Variants in PMFBP1 observed in about 807,000 individuals in gnomAD.
PMFBP1 encodes the protein polyamine-modulated factor 1-binding protein 1.
In PMFBP1, 131 loss-of-function variants were observed where a neutral mutation model predicts 137.8. The observed-to-expected ratio is 0.95, with a 90% CI of 0.82 to 1.10. The LOEUF (loss-of-function observed/expected upper bound fraction) is 1.10, where lower values mean the gene tolerates loss of function less well. Ranked by LOEUF, PMFBP1 falls within the 50% of genes least tolerant of loss-of-function variation. The pLI is 0.00. For missense variants in PMFBP1, 1,199 were observed against 1,175.4 expected, an observed-to-expected ratio of 1.02 and a Z score of -0.29; for synonymous variants, 490 against 450.4, an observed-to-expected ratio of 1.09 and a Z score of -1.11.
the PMFBP1 span, among the ~76,000 whole-genome samples, chr16:72,201,333 T>C: frequency 2.0e-5 from 3 of 152,228 alleles, no homozygotes; most frequent in Non-Finnish European, 2.9e-5. Flanking sequence ...TAAATTTCAA[T>C]TGGAGTTTGA....
intron 5 of PMFBP1, among the ~76,000 whole-genome samples, chr16:72,150,147 G>A (rs932828945): frequency 3.3e-5 from 5 of 152,152 alleles, no homozygotes; most frequent in African/African-American, 4.8e-5. Context: ...GTTGTGGTTT[G>A]CATGAGTCCT....
At chr16:72,150,881 G>A (rs746100407) in intron 4 of PMFBP1, 52 bp from the exon 5 acceptor site, 1 of 1,489,794 alleles carries the variant, frequency 6.7e-7, no homozygotes, top group Admixed American at 1.7e-5. Context: ...ACGTAATGAG[G>A]AAAGGATGCG....
the PMFBP1 span, among the ~76,000 whole-genome samples, chr16:72,190,941 T>C: frequency 6.6e-6 from 1 of 152,212 alleles, no homozygotes; most frequent in Non-Finnish European, 1.5e-5. Context: ...CGTGTGTTTG[T>C]TGAATGAATG....
At chr16:72,154,498 C>A (rs369761579) in intron 3 of PMFBP1, 39 bp from the exon 4 acceptor site, 11 of 1,601,718 alleles carry the variant, frequency 6.9e-6, no homozygotes, top group African/African-American at 2.7e-5. Context: ...GGCTTTAGAT[C>A]ATCACTAAGG....
At chr16:72,123,179 C>A (rs1597458101) in intron 18 of PMFBP1, among the ~76,000 whole-genome samples, 191 bp from the exon 19 acceptor site, 2 of 152,158 alleles carry the variant, frequency 1.3e-5, no homozygotes, top group East Asian at 3.9e-4. Flanking sequence ...CTGAACTCAA[C>A]TCCTATGCAA....
At chr16:72,135,072 G>C (rs1025284804) in intron 9 of PMFBP1, among the ~76,000 whole-genome samples, 1 of 152,132 alleles carries the variant, frequency 6.6e-6, no homozygotes, top group Non-Finnish European at 1.5e-5. Context: ...TCCGTGCCTT[G>C]TCATCATCTC....
At chr16:72,121,496 A>C (rs1193717599) in intron 19 of PMFBP1, among the ~76,000 whole-genome samples, 1 of 152,238 alleles carries the variant, frequency 6.6e-6, no homozygotes, top group Non-Finnish European at 1.5e-5. Context: ...AGCCTAGAAT[A>C]GGGCTTTCCA....
rs545241335 is a variant in PMFBP1 at position 72,136,739 on chromosome 16, G to C, written c.999C>G (p.Arg333=). The change falls in exon 8 of 21, where the codon CGC becomes CGG. Residue 333 remains arginine (R), a synonymous_variant. Transcript: ENST00000237353. The part of the protein sequence containing the change: ...EEYQNLVKDL[R]VELEAVSEQK... ...GTTCCGACACGGCCTCTAGTTCCAC[G>C]CGCAGATCCTTCACCAGGTTCTGGT... 1.9e-6 allele frequency: 3 copies of C among 1,614,122 alleles called. No homozygotes were observed. In the South Asian group the frequency reaches 3.3e-5, roughly 18 times the overall value.
At chr16:72,249,469 GT>G in the PMFBP1 span, among the ~76,000 whole-genome samples, 9 of 151,132 alleles carry the variant, frequency 6.0e-5, no homozygotes, top group African/African-American at 9.7e-5. Flanking sequence ...AAATTTGTTA[GT>G]TTTTTTTAAC....
At chr16:72,136,904 A>T in intron 7 of PMFBP1, 85 bp from the exon 8 acceptor site, 1 of 1,568,210 alleles carries the variant, frequency 6.4e-7, no homozygotes, top group Non-Finnish European at 8.7e-7. Context: ...CACAGTCAAC[A>T]GTAAGTAGGG....
At chr16:72,158,630 T>C (rs953473679) in intron 3 of PMFBP1, among the ~76,000 whole-genome samples, 21 of 151,980 alleles carry the variant, frequency 1.4e-4, no homozygotes, top group Non-Finnish European at 2.5e-4. Flanking sequence ...GTGGACAGAA[T>C]TAATGCAAAG....
At chr16:72,246,346 G>A in the PMFBP1 span, among the ~76,000 whole-genome samples, 21 of 152,102 alleles carry the variant, frequency 1.4e-4, no homozygotes, top group Non-Finnish European at 1.3e-4. Flanking sequence ...CTATTTCTCA[G>A]GACACTGGTT....
the PMFBP1 span, among the ~76,000 whole-genome samples, chr16:72,191,780 A>C: frequency 1.3e-5 from 2 of 152,206 alleles, no homozygotes; most frequent in African/African-American, 4.8e-5. Context: ...GAATCCTCTG[A>C]AGAGGCTCTG....
At chr16:72,150,900 AT>A in intron 4 of PMFBP1, 71 bp from the exon 5 acceptor site, 1 of 1,351,794 alleles carries the variant, frequency 7.4e-7, no homozygotes, top group South Asian at 1.2e-5. Flanking sequence ...CGGTTGTAAG[AT>A]TCCCTGCAGA....
intron 5 of PMFBP1, among the ~76,000 whole-genome samples, chr16:72,149,272 G>C (rs2042862262): frequency 6.6e-6 from 1 of 152,172 alleles, no homozygotes; most frequent in Non-Finnish European, 1.5e-5. Flanking sequence ...GTGTGGATGG[G>C]TGTGGGGAAA....
the PMFBP1 span, among the ~76,000 whole-genome samples, chr16:72,205,716 G>T: frequency 1.3e-5 from 2 of 152,160 alleles, no homozygotes; most frequent in African/African-American, 2.4e-5. Context: ...GGGCCCTTTT[G>T]TTTATAGTCG....
upstream of PMFBP1, among the ~76,000 whole-genome samples, chr16:72,181,248 A>T (rs35746112): frequency 0.21 from 32,166 of 150,022 alleles, 3,804 homozygotes; most frequent in African/African-American, 0.29. Context: ...AAAAAAAAAA[A>T]AATAATAATA....
the PMFBP1 span, among the ~76,000 whole-genome samples, chr16:72,203,509 C>T: frequency 2.0e-5 from 3 of 152,190 alleles, no homozygotes; most frequent in Admixed American, 6.5e-5. Flanking sequence ...GCCAGTCAGA[C>T]GTGCCCAGAT....
At chr16:72,210,240 G>C in the PMFBP1 span, among the ~76,000 whole-genome samples, 1 of 152,206 alleles carries the variant, frequency 6.6e-6, no homozygotes. Flanking sequence ...ATACTTGTTT[G>C]ATAAAGGAGA....
Sources: allele counts gnomAD v4.1 joint callset (sites outside exome capture counted in the v4.1 genomes callset), GRCh38; gene constraint gnomAD v4.1.1; transcripts MANE v1.5; gene names NCBI Gene and HGNC (gene_info 2026-07-23, HGNC 2026-07-21).